Variants in PCCA observed in about 807,000 individuals in gnomAD.
The protein encoded by PCCA is propionyl-CoA carboxylase alpha chain, mitochondrial.
Under a neutral mutation model 101.3 loss-of-function variants are expected in PCCA, and 74 were observed. The ratio of observed to expected loss-of-function variants is 0.73; its 90% CI spans 0.61 to 0.89. The LOEUF (loss-of-function observed/expected upper bound fraction) is 0.89. Among genes scored for constraint, PCCA ranks in the 40% least tolerant of loss-of-function variants. PCCA has a pLI of 0.00. For missense variants in PCCA, 891 were observed against 907.0 expected, an observed-to-expected ratio of 0.98 and a Z score of 0.23; for synonymous variants, 294 against 313.6, an observed-to-expected ratio of 0.94 and a Z score of 0.66.
intron 4 of PCCA, among the ~76,000 whole-genome samples, chr13:100,118,661 A>C (rs1282722539): frequency 6.6e-6 from 1 of 151,760 alleles, no homozygotes; most frequent in Non-Finnish European, 1.5e-5. Context: ...CGATCCTCCC[A>C]CCTTAGTTTC....
At chr13:100,246,332 T>G (rs931786061) in intron 8 of PCCA, among the ~76,000 whole-genome samples, 1 of 152,180 alleles carries the variant, frequency 6.6e-6, no homozygotes, top group Non-Finnish European at 1.5e-5. Context: ...TTTTTTGAGA[T>G]AGAGTCTTGC....
At chr13:100,508,897 T>G (rs2086270446) in intron 21 of PCCA, among the ~76,000 whole-genome samples, 1 of 152,158 alleles carries the variant, frequency 6.6e-6, no homozygotes, top group African/African-American at 2.4e-5. Flanking sequence ...TTTGTTTGTT[T>G]TTAATATTAT....
At chr13:100,107,229 T>C (rs1354812219) in intron 2 of PCCA, among the ~76,000 whole-genome samples, 1 of 152,222 alleles carries the variant, frequency 6.6e-6, no homozygotes, top group African/African-American at 2.4e-5. Flanking sequence ...ACTGAAAACG[T>C]TATTTTTTTT....
chr13:100,403,300 A>C (rs1343854004), intron 19 of PCCA, among the ~76,000 whole-genome samples: 1 of 152,208 alleles, frequency 6.6e-6, no homozygotes, highest in East Asian at 1.9e-4. Context: ...AACAACACTC[A>C]GTTATTGGCA....
In PCCA at chr13:100,202,168, C is replaced by CAAAAA. The variant is rs10678691; in HGVS notation, c.469-7148_469-7144dup. Among the ~76,000 whole-genome samples, 6 of 96,794 alleles carry CAAAAA rather than the reference C, an allele frequency of 6.2e-5. 2 individuals are homozygous for CAAAAA. The highest frequency in any genetic ancestry group is 1.2e-4 in the Admixed American group (1 of 8,474). The allele number at this position is 96,794 out of a possible 152,430, so 63.5% of individuals were successfully genotyped here. A position where few individuals can be genotyped will look rare whatever the true frequency, so the allele number is the denominator to read the frequency against. On this transcript the variant is annotated intron_variant, in intron 6 of 23. Coordinates refer to ENST00000376285, the MANE Select transcript of PCCA (RefSeq NM_000282.4). ...AACATAGCAAGACTCCATCTCTACC[C>CAAAAA]AAAAAAAAAAAAAAAAAAAACTGGG...
intron 20 of PCCA, among the ~76,000 whole-genome samples, chr13:100,434,119 G>A (rs2079757333): frequency 6.6e-6 from 1 of 152,158 alleles, no homozygotes; most frequent in Non-Finnish European, 1.5e-5. Context: ...TGGGATGACG[G>A]TCTTATGACC....
intron 4 of PCCA, among the ~76,000 whole-genome samples, chr13:100,134,182 A>G (rs2050865014): frequency 6.6e-6 from 1 of 152,158 alleles, no homozygotes; most frequent in Non-Finnish European, 1.5e-5. Flanking sequence ...AACCCTGACT[A>G]ATACAATTAC....
In PCCA at chr13:100,395,643, T is replaced by A. The variant is rs1460352654; in HGVS notation, c.1746+27069T>A. Among the ~76,000 whole-genome samples the A allele has an allele frequency of 2.0e-5, 3 of 152,204 alleles. No homozygotes were observed. In the South Asian group the frequency reaches 6.2e-4, roughly 31 times the overall value. On this transcript the variant is annotated intron_variant, in intron 19 of 23. Transcript: ENST00000376285. ...TATTACATTTGTGTAAATTAAATAATTTTTTAAAATTATGGATGTGATTTA... is the reference window on the plus strand; with the variant it reads ...TATTACATTTGTGTAAATTAAATAAATTTTTAAAATTATGGATGTGATTTA...
intron 1 of PCCA, among the ~76,000 whole-genome samples, chr13:100,100,159 C>T (rs147128541): frequency 1.4e-4 from 21 of 152,222 alleles, no homozygotes; most frequent in African/African-American, 4.8e-4. Context: ...TAGATGGAAA[C>T]GGGGGCCCAG....
At position 100,316,795 on chromosome 13, in the gene PCCA, A is replaced by G. The variant is rs371841809; in HGVS notation, c.1429+6887A>G. ...AATAGTATTCTTTTTTTTTTTGGAG[A>G]TGGAGTCTCACTCTGTCACCCAGGC... On this transcript the variant is annotated intron_variant, in intron 16 of 23. Coordinates refer to ENST00000376285, the MANE Select transcript of PCCA (RefSeq NM_000282.4). 6.6e-4 allele frequency among the ~76,000 whole-genome samples: 99 copies of G among 150,704 alleles called. 1 individual carries two copies. The highest frequency in any genetic ancestry group is 6.8e-3 in the Middle Eastern group (2 of 294).
chr13:100,101,552 C>A (rs2047279528), intron 1 of PCCA, among the ~76,000 whole-genome samples: 1 of 152,026 alleles, frequency 6.6e-6, no homozygotes, highest in South Asian at 2.1e-4. Context: ...CTTTTTGTAT[C>A]TTTTACCTCC....
At chr13:100,253,112 A>G (rs2061860512) in intron 8 of PCCA, among the ~76,000 whole-genome samples, 1 of 152,174 alleles carries the variant, frequency 6.6e-6, no homozygotes, top group Admixed American at 6.5e-5. Context: ...CCTCCGTGTT[A>G]TAGCAGTCAT....
intron 14 of PCCA, among the ~76,000 whole-genome samples, chr13:100,306,874 A>G (rs193233907): frequency 2.6e-5 from 4 of 152,360 alleles, no homozygotes; most frequent in Non-Finnish European, 4.4e-5. Context: ...TAGCAAGGGC[A>G]TCGTCCATGC....
At chr13:100,507,858 A>T (rs1344296892) in intron 21 of PCCA, among the ~76,000 whole-genome samples, 1 of 151,524 alleles carries the variant, frequency 6.6e-6, no homozygotes, top group East Asian at 1.9e-4. Flanking sequence ...GGGTTTCACT[A>T]TGTAGGCCAG....
chr13:100,155,551 A>G (rs1398161358), intron 5 of PCCA, among the ~76,000 whole-genome samples: 1 of 152,214 alleles, frequency 6.6e-6, no homozygotes, highest in Admixed American at 6.5e-5. Context: ...TTAGTTTGTT[A>G]ATGTCAGTAG....
chr13:100,264,135 GGTATCTGTATATCGTATATATA>G, intron 10 of PCCA, among the ~76,000 whole-genome samples: 2 of 121,750 alleles, frequency 1.6e-5, no homozygotes. Context: ...GTATATATAT[GGTATCTGTATATCGTATATATA>G]TGGTATCTGT....
At chr13:100,526,758 T>C (rs837333) in intron 22 of PCCA, among the ~76,000 whole-genome samples, 82,666 of 152,246 alleles carry the variant, frequency 0.54, 22,902 homozygotes, top group South Asian at 0.77. Context: ...GCGAAGTGAG[T>C]GCGCAGCATG....
intron 18 of PCCA, among the ~76,000 whole-genome samples, chr13:100,358,921 C>T (rs1595565574): frequency 6.6e-6 from 1 of 151,964 alleles, no homozygotes; most frequent in Admixed American, 6.6e-5. Context: ...CATGGTGAAA[C>T]CCTGTCTCTA....
At chr13:100,172,964 T>C (rs1180636159) in intron 6 of PCCA, among the ~76,000 whole-genome samples, 8 of 152,234 alleles carry the variant, frequency 5.3e-5, no homozygotes, top group Non-Finnish European at 1.2e-4. Flanking sequence ...ATACAGCTTG[T>C]TGTGGCACAA....
Sources: gnomAD v4.1 joint callset for allele counts (sites outside exome capture counted in the v4.1 genomes callset) on GRCh38, gnomAD v4.1.1 for gene constraint, MANE v1.5 for transcripts, NCBI Gene and HGNC (gene_info 2026-07-23, HGNC 2026-07-21) for gene names.